The following TIAM1 variants were observed in gnomAD, a reference collection of about 807,000 sequenced individuals.
TIAM1 encodes the protein TIAM Rac1 associated GEF 1.
TIAM1 carries 65 observed loss-of-function variants against 163.5 expected under a neutral mutation model. That is an observed-to-expected ratio of 0.40 (90% CI 0.33 to 0.49). The LOEUF is 0.49. Ranked by LOEUF, TIAM1 falls within the 20% of genes least tolerant of loss-of-function variation. TIAM1 has a pLI of 0.77. For synonymous variants in TIAM1, 833 were observed against 810.1 expected (o/e 1.03, Z -0.48); for missense variants, 1,789 against 2,044.7 (o/e 0.87, Z 2.41).
intron 2 of TIAM1, among the ~76,000 whole-genome samples, chr21:31,278,071 A>G (rs933535268): frequency 2.0e-5 from 3 of 152,282 alleles, no homozygotes; most frequent in East Asian, 3.9e-4. Context: ...CTCAATCTTC[A>G]GAGTCTCAAG....
chr21:31,182,092 A>G (rs961968215), intron 15 of TIAM1, among the ~76,000 whole-genome samples: 1 of 151,636 alleles, frequency 6.6e-6, no homozygotes, highest in Non-Finnish European at 1.5e-5. Context: ...CCAATTCCCA[A>G]CACTTCTGTG....
chr21:31,322,865 G>A (rs754119399), intron 2 of TIAM1, among the ~76,000 whole-genome samples: 11 of 152,262 alleles, frequency 7.2e-5, no homozygotes, highest in African/African-American at 1.7e-4. Context: ...TCAGCCAGGC[G>A]GGGCCCACTT....
rs552585131 is a variant in TIAM1 at position 31,141,723 on chromosome 21, T to C, written c.3476-219A>G. On this transcript the variant is annotated intron_variant, in intron 20 of 27. Coordinates refer to ENST00000541036, the MANE Select transcript of TIAM1 (RefSeq NM_001353694.2). The surrounding 1 kb of genome is among the most constrained non-coding windows in gnomAD (Gnocchi z 4.7). ...GTTGGGGGTGGGGTGGGGAGAAGCC[T>C]GATGAGTTAAAGGATGACGGAGTGT... is the stretch of plus-strand genomic sequence containing the variant. Among the ~76,000 whole-genome samples the C allele has an allele frequency of 6.6e-6, 1 of 152,042 alleles. No homozygotes were observed. Among genetic ancestry groups the C allele is most frequent in the African/African-American group, 2.4e-5 (1 of 41,412 alleles).
At chr21:31,508,042 C>G (rs1241995611) in intron 1 of TIAM1, among the ~76,000 whole-genome samples, 1 of 152,148 alleles carries the variant, frequency 6.6e-6, no homozygotes, top group Non-Finnish European at 1.5e-5. Context: ...CACAGACAGA[C>G]ATGGGGAAGG....
chr21:31,178,573 TG>T (rs1425258548), intron 15 of TIAM1, among the ~76,000 whole-genome samples: 1 of 152,152 alleles, frequency 6.6e-6, no homozygotes, highest in African/African-American at 2.4e-5. Context: ...CCCGAAGTGC[TG>T]GGATTACAGG....
chr21:31,141,240 G>A lies in TIAM1; in HGVS notation c.3656-4C>T, dbSNP rs148062828. 6.6e-5 allele frequency: 106 copies of A among 1,614,026 alleles called. No homozygotes were observed. The East Asian group carries it at 2.3e-3, about 36-fold the overall frequency. ...TTGTTCATGGTCTTGATGGCCACTGGAAGAAAACAGGTTGTGAAATGAGAG... is the reference window on the plus strand; with the variant it reads ...TTGTTCATGGTCTTGATGGCCACTGAAAGAAAACAGGTTGTGAAATGAGAG... On this transcript the variant is annotated splice_polypyrimidine_tract_variant and splice_region_variant and intron_variant, in intron 21 of 27. Transcript: ENST00000541036. This position sits in a 1 kb window ranked among gnomAD's most constrained non-coding sequence, Gnocchi z 4.7.
intron 2 of TIAM1, among the ~76,000 whole-genome samples, chr21:31,418,384 C>A (rs569386123): frequency 2.8e-4 from 41 of 144,404 alleles, no homozygotes; most frequent in African/African-American, 1.0e-3. Flanking sequence ...CCTCTGGCTA[C>A]TGTTTAGACA....
At chr21:31,491,597 C>T (rs1456486801) in intron 1 of TIAM1, among the ~76,000 whole-genome samples, 1 of 152,178 alleles carries the variant, frequency 6.6e-6, no homozygotes, top group African/African-American at 2.4e-5. Context: ...AGAAGGCTGA[C>T]CAACTGATAT....
chr21:31,334,660 C>A (rs1182984746), intron 2 of TIAM1, among the ~76,000 whole-genome samples: 1 of 152,164 alleles, frequency 6.6e-6, no homozygotes, highest in Non-Finnish European at 1.5e-5. Context: ...CCATCCCTCC[C>A]TTCACAGCCC....
intron 16 of TIAM1, among the ~76,000 whole-genome samples, chr21:31,154,841 G>C (rs1008870822): frequency 6.6e-6 from 1 of 152,148 alleles, no homozygotes. Context: ...AGACATAAAA[G>C]TTAGCTGCAT....
intron 1 of TIAM1, among the ~76,000 whole-genome samples, chr21:31,524,664 T>C (rs1230608953): frequency 6.6e-6 from 1 of 152,224 alleles, no homozygotes; most frequent in Admixed American, 6.5e-5. Flanking sequence ...CTGCCAAGCT[T>C]ATAAGCAAAA....
intron 6 of TIAM1, among the ~76,000 whole-genome samples, chr21:31,242,860 C>CAAAAAAAAAAAA (rs11417948): frequency 5.3e-5 from 5 of 94,994 alleles, no homozygotes; most frequent in South Asian, 7.4e-4. Flanking sequence ...GACTCTGTCT[C>CAAAAAAAAAAAA]AAAAAAAAAA....
At chr21:31,137,302 T>C (rs1166269583) in intron 22 of TIAM1, among the ~76,000 whole-genome samples, 1 of 152,240 alleles carries the variant, frequency 6.6e-6, no homozygotes, top group Non-Finnish European at 1.5e-5. Context: ...CCTCCCTTGA[T>C]TGAAATTATT....
intron 14 of TIAM1, among the ~76,000 whole-genome samples, chr21:31,185,419 T>A (rs2085240471): frequency 7.4e-6 from 1 of 134,870 alleles, no homozygotes; most frequent in South Asian, 2.2e-4. Context: ...TATATATAAT[T>A]ATGTTATATA....
At chr21:31,497,501 G>A (rs763177639) in intron 1 of TIAM1, among the ~76,000 whole-genome samples, 2 of 152,206 alleles carry the variant, frequency 1.3e-5, no homozygotes, top group Non-Finnish European at 2.9e-5. Flanking sequence ...TGTTATATCC[G>A]TAATGGCAGA....
intron 2 of TIAM1, among the ~76,000 whole-genome samples, chr21:31,304,412 T>C (rs1349213674): frequency 1.3e-5 from 2 of 152,224 alleles, no homozygotes; most frequent in African/African-American, 4.8e-5. Context: ...GTCTGAAGTT[T>C]TGAAATGCTC....
intron 9 of TIAM1, among the ~76,000 whole-genome samples, chr21:31,214,978 C>CT (rs1335520126): frequency 1.3e-5 from 2 of 151,970 alleles, no homozygotes; most frequent in Non-Finnish European, 2.9e-5. Flanking sequence ...GACTAAATTC[C>CT]TACTGGTATG....
At chr21:31,170,558 C>T (rs913082664) in intron 15 of TIAM1, among the ~76,000 whole-genome samples, 1 of 152,112 alleles carries the variant, frequency 6.6e-6, no homozygotes, top group Non-Finnish European at 1.5e-5. Flanking sequence ...GGGTACTTTA[C>T]CTACCAGATC....
intron 2 of TIAM1, among the ~76,000 whole-genome samples, chr21:31,399,390 A>G (rs2077127273): frequency 6.6e-6 from 1 of 152,212 alleles, no homozygotes; most frequent in African/African-American, 2.4e-5. Flanking sequence ...ATAATAAATT[A>G]ACGTTTAGGT....
Sources: gnomAD v4.1 joint callset for allele counts (sites outside exome capture counted in the v4.1 genomes callset) on GRCh38, gnomAD v4.1.1 for gene constraint, Gnocchi (gnomAD v3.1) non-coding constraint, MANE v1.5 for transcripts, NCBI Gene and HGNC (gene_info 2026-07-23, HGNC 2026-07-21) for gene names.